Variants in MYO3B observed in about 807,000 individuals in gnomAD.
MYO3B encodes the protein myosin IIIB.
A neutral mutation model predicts 174.6 loss-of-function variants in MYO3B; 156 were observed. The observed-to-expected ratio is 0.89, with a 90% CI of 0.78 to 1.02. The LOEUF is 1.02. Among genes scored for constraint, MYO3B ranks in the 50% least tolerant of loss-of-function variants. The pLI, the probability that MYO3B is intolerant of heterozygous loss-of-function variation, is 0.00. For synonymous variants in MYO3B, 563 were observed against 569.1 expected (o/e 0.99, Z 0.15); for missense variants, 1,632 against 1,639.4 (o/e 1.00, Z 0.08).
intron 7 of MYO3B, among the ~76,000 whole-genome samples, chr2:170,298,610 C>T (rs1421416577): frequency 6.8e-6 from 1 of 146,978 alleles, no homozygotes; most frequent in Admixed American, 7.1e-5. Context: ...GGAGGCAGAG[C>T]TTGCAGTGAG....
intron 32 of MYO3B, among the ~76,000 whole-genome samples, chr2:170,647,274 A>G (rs13385935): frequency 0.43 from 66,102 of 152,006 alleles, 15,930 homozygotes; most frequent in African/African-American, 0.66. Context: ...AACATCTTAA[A>G]ACAGTGTCCT....
chr2:170,568,852 T>G (rs951712556), intron 32 of MYO3B, among the ~76,000 whole-genome samples: 1 of 152,224 alleles, frequency 6.6e-6, no homozygotes, highest in African/African-American at 2.4e-5. Flanking sequence ...CAAAGTCAAC[T>G]CACTGTTTCT....
rs2094153921 is a variant in MYO3B at position 170,360,677 on chromosome 2, T to C, written c.816-8545T>C. Among the ~76,000 whole-genome samples, 2 of 152,190 alleles carry C rather than the reference T, an allele frequency of 1.3e-5. 1 individual carries two copies. On this transcript the variant is annotated intron_variant, in intron 8 of 34. Coordinates refer to ENST00000408978, the MANE Select transcript of MYO3B (RefSeq NM_138995.5). ...CTTTGTGATAGTATTAAGAGGTGGG[T>C]TCTTTAAGAGGTCGTTAGGTCATGA...
At chr2:170,636,896 A>G (rs1434703903) in intron 32 of MYO3B, among the ~76,000 whole-genome samples, 3 of 151,786 alleles carry the variant, frequency 2.0e-5, no homozygotes, top group Non-Finnish European at 4.4e-5. Context: ...TTAAAATTAC[A>G]TTGCACTGGA....
chr2:170,641,870 GGGA>G lies in MYO3B; in HGVS notation c.3734-9755_3734-9753del, dbSNP rs1477874490. On this transcript the variant is annotated intron_variant, in intron 32 of 34. Transcript: ENST00000408978. ...CTTTATTGTTAAGTGGGGGGGGGGG[GGGA>G]GGGGCGGGGAGCCATAACCCAAATT... Among the ~76,000 whole-genome samples the G allele has an allele frequency of 1.7e-4, 12 of 71,594 alleles. 1 individual carries two copies. Among genetic ancestry groups the G allele is most frequent in the African/African-American group, 1.4e-3 (11 of 8,114 alleles). 47.0% of individuals were successfully genotyped at this position (71,594 alleles called of 152,430 possible).
intron 3 of MYO3B, among the ~76,000 whole-genome samples, chr2:170,205,701 C>A (rs1158108100): frequency 1.3e-5 from 2 of 152,086 alleles, no homozygotes; most frequent in African/African-American, 4.8e-5. Flanking sequence ...GACTTCTTGA[C>A]CCTGCCTCTC....
At chr2:170,422,999 G>A (rs866187240) in intron 22 of MYO3B, among the ~76,000 whole-genome samples, 2 of 11,554 alleles carry the variant, frequency 1.7e-4, no homozygotes, top group Non-Finnish European at 3.5e-4. Context: ...TTTTTTTTTT[G>A]AGACAGAGTT....
Position 170,653,028 on chromosome 2 carries a change from G to A in MYO3B, c.3933G>A (p.Leu1311=). 1.9e-6 allele frequency: 3 copies of A among 1,614,152 alleles called. No individual in the cohort carries two copies. Among genetic ancestry groups the A allele is most frequent in the Non-Finnish European group, 2.5e-6 (3 of 1,180,016 alleles). ...LDGEDEYYKS[L]SPVDCIPEEN... ...GGGAAGATGAATATTACAAATCTCT[G>A]TCACCAGTGGACTGTATCCCTGAGG... The change falls in exon 35 of 35, where the codon CTG becomes CTA. Residue 1311 remains leucine (L), a synonymous_variant. Coordinates refer to ENST00000408978, the MANE Select transcript of MYO3B (RefSeq NM_138995.5).
chr2:170,539,019 C>T lies in MYO3B; in HGVS notation c.3576-3887C>T, dbSNP rs557169119. 2.6e-5 allele frequency among the ~76,000 whole-genome samples: 4 copies of T among 152,276 alleles called. No homozygotes were observed. The South Asian group carries it at 8.3e-4, about 32-fold the overall frequency. ...ATTAATTCCTTAATATCGTCCCATA[C>T]CAATTCATAGTCAAAATTTCCCAAT... On this transcript the variant is annotated intron_variant, in intron 30 of 34. Coordinates refer to ENST00000408978, the MANE Select transcript of MYO3B (RefSeq NM_138995.5).
chr2:170,401,948 G>A (rs953430879), intron 18 of MYO3B, among the ~76,000 whole-genome samples: 2 of 152,136 alleles, frequency 1.3e-5, no homozygotes, highest in African/African-American at 2.4e-5. Flanking sequence ...GATTACAGGC[G>A]CGTGCCACCA....
chr2:170,590,632 A>G (rs1164524215), intron 32 of MYO3B, among the ~76,000 whole-genome samples: 2 of 149,462 alleles, frequency 1.3e-5, no homozygotes, highest in East Asian at 3.9e-4. Context: ...CTCTGAATCT[A>G]CAAAATTCAG....
At chr2:170,514,774 C>G in intron 28 of MYO3B, 147 bp from the exon 29 acceptor site, 2 of 607,396 alleles carry the variant, frequency 3.3e-6, no homozygotes, top group South Asian at 4.4e-5. Flanking sequence ...AAATAAGCAC[C>G]AAGTTCATAA....
At chr2:170,256,989 G>A (rs1473147480) in intron 7 of MYO3B, among the ~76,000 whole-genome samples, 1 of 151,962 alleles carries the variant, frequency 6.6e-6, no homozygotes, top group East Asian at 1.9e-4. Flanking sequence ...ACCAAGAATA[G>A]TAAAAAAGGA....
intron 7 of MYO3B, among the ~76,000 whole-genome samples, chr2:170,307,499 C>T (rs922560600): frequency 6.6e-6 from 1 of 152,168 alleles, no homozygotes; most frequent in Non-Finnish European, 1.5e-5. Context: ...TATTGCATAT[C>T]AGTGGTACAT....
At chr2:170,333,327 T>A (rs2093924978) in intron 7 of MYO3B, among the ~76,000 whole-genome samples, 1 of 152,106 alleles carries the variant, frequency 6.6e-6, no homozygotes, top group African/African-American at 2.4e-5. Context: ...TAGGGAAAGA[T>A]GAAGGCATAT....
At chr2:170,618,006 G>T (rs576711199) in intron 32 of MYO3B, among the ~76,000 whole-genome samples, 1 of 152,108 alleles carries the variant, frequency 6.6e-6, no homozygotes, top group Non-Finnish European at 1.5e-5. Context: ...TTTAATGAGA[G>T]CCCTGATATC....
At chr2:170,599,738 A>C (rs533783864) in intron 32 of MYO3B, among the ~76,000 whole-genome samples, 53 of 152,112 alleles carry the variant, frequency 3.5e-4, no homozygotes, top group African/African-American at 1.3e-3. Flanking sequence ...ACAGAGTGAA[A>C]CTCCGTCTCA....
chr2:170,547,586 A>G (rs931383003), intron 32 of MYO3B, among the ~76,000 whole-genome samples: 2 of 152,174 alleles, frequency 1.3e-5, no homozygotes, highest in African/African-American at 2.4e-5. Flanking sequence ...TATTAACGCT[A>G]TGTGCCAGGA....
At chr2:170,224,187 C>T (rs2092928858) in intron 6 of MYO3B, among the ~76,000 whole-genome samples, 1 of 152,098 alleles carries the variant, frequency 6.6e-6, no homozygotes, top group Non-Finnish European at 1.5e-5. Context: ...ATGATAGGGG[C>T]TTTTAAAATA....
Sources: allele counts gnomAD v4.1 joint callset (sites outside exome capture counted in the v4.1 genomes callset), GRCh38; gene constraint gnomAD v4.1.1; transcripts MANE v1.5; gene names NCBI Gene and HGNC (gene_info 2026-07-23, HGNC 2026-07-21).